Variants in PDE8B observed in about 807,000 individuals in gnomAD.
PDE8B encodes the protein high affinity cAMP-specific and IBMX-insensitive 3',5'-cyclic phosphodiesterase 8B.
Under a neutral mutation model 101.3 loss-of-function variants are expected in PDE8B, and 26 were observed. That is an observed-to-expected ratio of 0.26 (90% CI 0.19 to 0.36). The LOEUF is 0.36. Ranked by LOEUF, PDE8B falls within the 10% of genes least tolerant of loss-of-function variation. The pLI is 1.00. For missense variants in PDE8B, 810 were observed against 1,163.1 expected (o/e 0.70, Z 4.42); for synonymous variants, 424 against 429.3 (o/e 0.99, Z 0.15).
At chr5:77,404,613 A>G (rs1406108923) in intron 11 of PDE8B, 107 bp from the exon 12 acceptor site, 11 of 738,740 alleles carry the variant, frequency 1.5e-5, no homozygotes, top group Non-Finnish European at 2.6e-5. Flanking sequence ...ATAGTGCTTA[A>G]AAAGTAACCT....
intron 1 of PDE8B, among the ~76,000 whole-genome samples, chr5:77,273,250 T>G (rs552706604): frequency 6.4e-4 from 97 of 152,176 alleles, no homozygotes; most frequent in Middle Eastern, 3.4e-3. Flanking sequence ...CATTGTATCG[T>G]TTTTTATAGT....
intron 1 of PDE8B, among the ~76,000 whole-genome samples, chr5:77,218,200 T>A (rs1750227341): frequency 6.6e-6 from 1 of 152,252 alleles, no homozygotes; most frequent in Non-Finnish European, 1.5e-5. Flanking sequence ...TTTTAGTGCA[T>A]GGTTTGTACA....
chr5:77,090,103 G>A, the PDE8B span, among the ~76,000 whole-genome samples: 1 of 152,210 alleles, frequency 6.6e-6, no homozygotes, highest in East Asian at 1.9e-4. Context: ...TCTCATGGAG[G>A]TAGAGAGCAG....
At position 77,337,296 on chromosome 5, in the gene PDE8B, C is replaced by T. The variant is rs371801170; in HGVS notation, c.778C>T (p.Arg260Cys). ...GATTCAAATAGAACATGGGGAAGTT[C>T]GCTCCCAGTTCAAATTACGGTATGT... is the stretch of plus-strand genomic sequence containing the variant. ...ELIQIEHGEV[R>C]SQFKLRACNS... Residue 260 changes from arginine (R) to cysteine (C), a missense_variant, in exon 6 of 22, where the codon CGC (arginine) becomes TGC (cysteine). Transcript: ENST00000264917. The T allele has an allele frequency of 3.2e-6, 5 of 1,575,960 alleles. No individual in the cohort carries two copies. Among genetic ancestry groups the T allele is most frequent in the African/African-American group, 1.3e-5 (1 of 74,190 alleles).
the PDE8B span, among the ~76,000 whole-genome samples, chr5:77,090,279 G>T: frequency 1.3e-5 from 2 of 151,898 alleles, no homozygotes; most frequent in Non-Finnish European, 2.9e-5. Flanking sequence ...TTGCTCTGTC[G>T]CCCAGGCTGG....
In PDE8B at chr5:77,426,568, A is replaced by C. The variant is rs367843120; in HGVS notation, c.*14A>C. The C allele has an allele frequency of 1.4e-5, 20 of 1,419,198 alleles. No homozygotes were observed. Among genetic ancestry groups the C allele is most frequent in the Non-Finnish European group, 1.9e-5 (19 of 1,002,630 alleles). 87.9% of individuals were successfully genotyped at this position (1,419,198 alleles called of 1,614,324 possible). ...TCTGACAGCTAAAGCCAAGCCACAGAGGGGGCCTCTTGACCGACAAAGGAC... is the reference window on the plus strand; with the variant it reads ...TCTGACAGCTAAAGCCAAGCCACAGCGGGGGCCTCTTGACCGACAAAGGAC... On this transcript the variant is annotated 3_prime_UTR_variant, in exon 22 of 22. Coordinates refer to ENST00000264917, the MANE Select transcript of PDE8B (RefSeq NM_003719.5).
chr5:77,316,875 C>T (rs1363804225), intron 2 of PDE8B, among the ~76,000 whole-genome samples: 2 of 152,086 alleles, frequency 1.3e-5, no homozygotes, highest in Non-Finnish European at 2.9e-5. Context: ...AGTTTGGCTC[C>T]AAATAACAGC....
intron 1 of PDE8B, among the ~76,000 whole-genome samples, chr5:77,259,835 C>T (rs1023045819): frequency 6.6e-6 from 1 of 152,150 alleles, no homozygotes. Context: ...CATTTAATAT[C>T]CTGTTTCCTG....
the PDE8B span, among the ~76,000 whole-genome samples, chr5:77,183,633 A>G: frequency 6.6e-6 from 1 of 152,188 alleles, no homozygotes; most frequent in African/African-American, 2.4e-5. Context: ...ATCTTTTATG[A>G]GTGATAATTT....
At chr5:77,244,771 A>G (rs1224689629) in intron 1 of PDE8B, among the ~76,000 whole-genome samples, 3 of 151,970 alleles carry the variant, frequency 2.0e-5, no homozygotes, top group Admixed American at 6.6e-5. Flanking sequence ...AAGGTCACGC[A>G]GCTATTAAGT....
the PDE8B span, among the ~76,000 whole-genome samples, chr5:77,162,236 T>C: frequency 6.6e-6 from 1 of 152,100 alleles, no homozygotes; most frequent in East Asian, 1.9e-4. Flanking sequence ...CTAAGGCTTA[T>C]ACACTGAAAA....
chr5:77,424,247 C>T (rs1181071661), intron 20 of PDE8B, among the ~76,000 whole-genome samples: 2 of 152,150 alleles, frequency 1.3e-5, no homozygotes, highest in Non-Finnish European at 2.9e-5. Flanking sequence ...ACGTACTACT[C>T]CTAGTTGTTC....
chr5:77,356,823 T>C (rs1250205415), intron 10 of PDE8B, among the ~76,000 whole-genome samples: 2 of 152,178 alleles, frequency 1.3e-5, no homozygotes, highest in African/African-American at 4.8e-5. Context: ...AATATTTTTA[T>C]TGGACAGACC....
At chr5:77,284,793 T>C (rs1444531750) in intron 1 of PDE8B, among the ~76,000 whole-genome samples, 4 of 152,240 alleles carry the variant, frequency 2.6e-5, no homozygotes, top group Non-Finnish European at 4.4e-5. Flanking sequence ...ATCCATCTTA[T>C]TGGGTGTTGC....
intron 10 of PDE8B, among the ~76,000 whole-genome samples, chr5:77,373,023 A>T (rs1785340081): frequency 1.0e-5 from 1 of 97,884 alleles, no homozygotes; most frequent in Non-Finnish European, 2.0e-5. Context: ...GTGAGACTTC[A>T]TCTCAAAAAA....
chr5:77,349,795 T>C (rs1780756593), intron 8 of PDE8B, among the ~76,000 whole-genome samples: 1 of 152,198 alleles, frequency 6.6e-6, no homozygotes, highest in African/African-American at 2.4e-5. Flanking sequence ...TTTCATCCTG[T>C]GCATGAATAT....
intron 2 of PDE8B, among the ~76,000 whole-genome samples, chr5:77,320,624 T>A (rs1774835397): frequency 6.6e-6 from 1 of 152,170 alleles, no homozygotes; most frequent in Admixed American, 6.5e-5. Flanking sequence ...TGTCATCTTT[T>A]TATTCCCAGT....
At chr5:77,098,379 G>T in the PDE8B span, among the ~76,000 whole-genome samples, 2,169 of 151,564 alleles carry the variant, frequency 0.014, 54 homozygotes, top group African/African-American at 0.049. Context: ...AAACTCCTGC[G>T]TGCCAGTGAT....
At chr5:77,262,940 ATCCTCAACTGAGGAC>A (rs750622016) in intron 1 of PDE8B, among the ~76,000 whole-genome samples, 5 of 152,242 alleles carry the variant, frequency 3.3e-5, no homozygotes, top group Non-Finnish European at 2.9e-5. Flanking sequence ...GTGACATAAT[ATCCTCAACTGAGGAC>A]TCCTTCCTTT....
Sources: gnomAD v4.1 joint callset for allele counts (sites outside exome capture counted in the v4.1 genomes callset) on GRCh38, gnomAD v4.1.1 for gene constraint, MANE v1.5 for transcripts, NCBI Gene and HGNC (gene_info 2026-07-23, HGNC 2026-07-21) for gene names.